The following KDM4C variants were observed in gnomAD, a reference collection of about 807,000 sequenced individuals.
KDM4C encodes lysine demethylase 4C, also known as lysine-specific demethylase 4C.
In KDM4C, 81 loss-of-function variants were observed where a neutral mutation model predicts 129.3. That is an observed-to-expected ratio of 0.63 (90% CI 0.52 to 0.75). The LOEUF (loss-of-function observed/expected upper bound fraction) is 0.75, where lower values mean the gene tolerates loss of function less well. Among genes scored for constraint, KDM4C ranks in the 30% least tolerant of loss-of-function variants. The pLI, the probability that KDM4C is intolerant of heterozygous loss-of-function variation, is 0.00. For missense variants in KDM4C, 1,457 were observed against 1,304.0 expected (o/e 1.12, Z -1.81); for synonymous variants, 573 against 456.1 (o/e 1.26, Z -3.26).
rs755505889 is a variant in KDM4C at position 6,888,080 on chromosome 9, C to G, written c.783+17C>G. 2.3e-6 allele frequency: 3 copies of G among 1,279,104 alleles called. No individual in the cohort carries two copies. The highest frequency in any genetic ancestry group is 2.2e-6 in the Non-Finnish European group (2 of 907,932). 79.2% of individuals were successfully genotyped at this position (1,279,104 alleles called of 1,614,324 possible). Reference sequence around the variant, plus strand: ...TTTGACAAGGTATGTTAGTATTCATCTTACACAAATTAATTTTGTTTGTGT... The same window carrying G: ...TTTGACAAGGTATGTTAGTATTCATGTTACACAAATTAATTTTGTTTGTGT... On this transcript the variant is annotated intron_variant, in intron 7 of 21. Coordinates refer to ENST00000381309, the MANE Select transcript of KDM4C (RefSeq NM_015061.6).
chr9:6,752,363 T>TAAAAAAA (rs1818101837), intron 1 of KDM4C, among the ~76,000 whole-genome samples: 1 of 115,642 alleles, frequency 8.6e-6, no homozygotes, highest in African/African-American at 3.2e-5. Context: ...AAAAAAAAAT[T>TAAAAAAA]AAGGAGGAAC....
At chr9:7,096,059 A>G (rs1468258887) in intron 17 of KDM4C, among the ~76,000 whole-genome samples, 1 of 152,216 alleles carries the variant, frequency 6.6e-6, no homozygotes, top group Non-Finnish European at 1.5e-5. Context: ...GTGGCACTTA[A>G]TAAGTATTCA....
rs1243648007 is a variant in KDM4C at position 6,792,390 on chromosome 9, G to A, written c.-17-582G>A. 2.0e-5 allele frequency among the ~76,000 whole-genome samples: 3 copies of A among 151,948 alleles called. No individual in the cohort carries two copies. The East Asian group carries it at 5.8e-4, about 29-fold the overall frequency. Reference sequence around the variant, plus strand: ...TTATTTATTTATTTTTTGAGACGGAGTCTTACTCTGTCGCTCAGACCAGAG... The same window carrying A: ...TTATTTATTTATTTTTTGAGACGGAATCTTACTCTGTCGCTCAGACCAGAG... On this transcript the variant is annotated intron_variant, in intron 1 of 21. Coordinates refer to ENST00000381309, the MANE Select transcript of KDM4C (RefSeq NM_015061.6).
chr9:7,160,715 G>T (rs1051168635), intron 19 of KDM4C, among the ~76,000 whole-genome samples: 1 of 152,194 alleles, frequency 6.6e-6, no homozygotes, highest in Non-Finnish European at 1.5e-5. Flanking sequence ...CGTCCCAGAA[G>T]GGGAGCCACC....
At chr9:6,970,784 A>G (rs1328127301) in intron 8 of KDM4C, among the ~76,000 whole-genome samples, 2 of 151,994 alleles carry the variant, frequency 1.3e-5, no homozygotes, top group Non-Finnish European at 2.9e-5. Context: ...TTTAAAAAAC[A>G]GTATTCCCAC....
intron 4 of KDM4C, among the ~76,000 whole-genome samples, chr9:6,840,900 G>A (rs1352861999): frequency 1.3e-5 from 2 of 152,200 alleles, no homozygotes; most frequent in Non-Finnish European, 2.9e-5. Context: ...CAGTTAGCAA[G>A]CTTTGAGAGA....
intron 2 of KDM4C, among the ~76,000 whole-genome samples, chr9:6,798,101 T>C (rs1459074300): frequency 6.6e-6 from 1 of 152,222 alleles, no homozygotes; most frequent in African/African-American, 2.4e-5. Context: ...TGAAAATATA[T>C]TCCATTTGAA....
At chr9:6,842,020 A>G (rs1418135634) in intron 4 of KDM4C, among the ~76,000 whole-genome samples, 1 of 152,208 alleles carries the variant, frequency 6.6e-6, no homozygotes, top group Non-Finnish European at 1.5e-5. Flanking sequence ...GAACAGAGAG[A>G]TAAAACATGC....
intron 1 of KDM4C, among the ~76,000 whole-genome samples, chr9:6,721,507 C>G (rs1279287617): frequency 6.6e-6 from 1 of 151,470 alleles, no homozygotes; most frequent in African/African-American, 2.4e-5. Context: ...TGGTCTCAAA[C>G]TCCTGGCCTT....
chr9:6,981,627 C>CTTA (rs1816778441), intron 9 of KDM4C, among the ~76,000 whole-genome samples: 1 of 152,120 alleles, frequency 6.6e-6, no homozygotes. Flanking sequence ...CTGTAACATG[C>CTTA]TTATCCTTGT....
intron 17 of KDM4C, among the ~76,000 whole-genome samples, chr9:7,088,089 G>A (rs1172895034): frequency 6.6e-6 from 1 of 152,218 alleles, no homozygotes; most frequent in Non-Finnish European, 1.5e-5. Flanking sequence ...AGTGTCTTTA[G>A]CAGGATTCTC....
chr9:6,897,391 A>G (rs926746004), intron 8 of KDM4C, among the ~76,000 whole-genome samples: 6 of 152,108 alleles, frequency 3.9e-5, no homozygotes, highest in Non-Finnish European at 7.3e-5. Context: ...GTTTTCCCTC[A>G]ATGAGGATCA....
chr9:6,941,005 C>G (rs1825839134), intron 8 of KDM4C, among the ~76,000 whole-genome samples: 1 of 151,542 alleles, frequency 6.6e-6, no homozygotes, highest in Non-Finnish European at 1.5e-5. Flanking sequence ...GACTGATTCC[C>G]TCATGCTTGA....
At chr9:7,110,676 G>C (rs1374650599) in intron 18 of KDM4C, among the ~76,000 whole-genome samples, 2 of 152,144 alleles carry the variant, frequency 1.3e-5, no homozygotes, top group African/African-American at 4.8e-5. Flanking sequence ...TAAGAGCAAA[G>C]TTTACAGTTC....
chr9:7,064,875 G>T (rs1377794816), intron 17 of KDM4C, among the ~76,000 whole-genome samples: 2 of 152,156 alleles, frequency 1.3e-5, no homozygotes, highest in Admixed American at 1.3e-4. Context: ...GGCCAGTGAT[G>T]ATAATGTATC....
intron 19 of KDM4C, among the ~76,000 whole-genome samples, chr9:7,135,508 T>G (rs17519816): frequency 0.056 from 8,533 of 152,206 alleles, 335 homozygotes; most frequent in Non-Finnish European, 0.08. Flanking sequence ...TGCTGAATAT[T>G]CATGGGTGAG....
intron 1 of KDM4C, among the ~76,000 whole-genome samples, chr9:6,762,662 CTT>C (rs1031418918): frequency 2.9e-5 from 4 of 138,436 alleles, no homozygotes; most frequent in Non-Finnish European, 3.1e-5. Context: ...AGGTCATTGT[CTT>C]TTTTTTTTTT....
rs1379801637 is a variant in KDM4C at position 6,986,294 on chromosome 9, A to T, written c.1355-50A>T. ...TGGGAATAGTTTACCAATTCTACTT[A>T]GTAGTAATACAGTGCATGATTTATT... On this transcript the variant is annotated intron_variant, in intron 10 of 21. Coordinates refer to ENST00000381309, the MANE Select transcript of KDM4C (RefSeq NM_015061.6). The T allele has an allele frequency of 3.2e-6, 4 of 1,260,718 alleles. No homozygotes were observed. The South Asian group carries it at 4.2e-5, about 13-fold the overall frequency. 78.1% of individuals were successfully genotyped at this position (1,260,718 alleles called of 1,614,324 possible).
chr9:6,929,878 C>T (rs1170577978), intron 8 of KDM4C, among the ~76,000 whole-genome samples: 2 of 152,154 alleles, frequency 1.3e-5, no homozygotes, highest in Admixed American at 6.5e-5. Flanking sequence ...TAGACGATTT[C>T]TACAACCCTC....
Sources: allele counts gnomAD v4.1 joint callset (sites outside exome capture counted in the v4.1 genomes callset), GRCh38; gene constraint gnomAD v4.1.1; transcripts MANE v1.5; gene names NCBI Gene and HGNC (gene_info 2026-07-23, HGNC 2026-07-21).